Variants in MUC17 observed in about 807,000 individuals in gnomAD.
The protein encoded by MUC17 is mucin 17, cell surface associated, also known as mucin-17.
A neutral mutation model predicts 170.3 loss-of-function variants in MUC17; 190 were observed. The ratio of observed to expected loss-of-function variants is 1.12; its 90% CI spans 0.99 to 1.26. The LOEUF (loss-of-function observed/expected upper bound fraction) is 1.26. Ranked by LOEUF, MUC17 falls within the 50% of genes most tolerant of loss-of-function variation. The pLI is 0.00. For synonymous variants in MUC17, 2,325 were observed against 2,002.5 expected (o/e 1.16, Z -4.30); for missense variants, 6,415 against 5,530.0 (o/e 1.16, Z -5.08).
chr7:101,048,141 C>G (rs766340171), intron 4 of MUC17, 26 bp downstream of exon 4: 41 of 1,537,048 alleles, frequency 2.7e-5, no homozygotes, highest in Non-Finnish European at 3.5e-5. Context: ...GGCCTTCCCC[C>G]ACCCCATGCC....
rs1341453605 is a variant in MUC17, at chr7:101,036,041, G to A, written c.4625G>A (p.Ser1542Asn). 2 of 1,612,288 alleles carry A rather than the reference G, an allele frequency of 1.2e-6. No individual in the cohort carries two copies. Among genetic ancestry groups the A allele is most frequent in the South Asian group, 2.2e-5 (2 of 90,874 alleles). The change falls in exon 3 of 13, where the codon AGC (serine) becomes AAC (asparagine). Residue 1542 changes from serine (S) to asparagine (N), a missense_variant. Ser to Asn is a conservative substitution (Grantham distance 46, BLOSUM62 1). Coordinates refer to ENST00000306151, the MANE Select transcript of MUC17 (RefSeq NM_001040105.2). ...NSLSTTPAVT[S>N]TPVTTYSQAS... ...CTTTCAACAACTCCTGCTGTCACCA[G>A]CACACCTGTGACCACTTATTCTCAA... is the stretch of plus-strand genomic sequence containing the variant.
chr7:101,034,944 G>A lies in MUC17; in HGVS notation c.3528G>A (p.Glu1176=), dbSNP rs1794416372. The A allele has an allele frequency of 2.5e-6, 4 of 1,613,958 alleles. No homozygotes were observed. The East Asian group carries it at 6.7e-5, about 27-fold the overall frequency. ...GCACCACGCTGGTGGTCAGTTCTGA[G>A]GCTAACACCCTTTCAACAACTCCTG... is the stretch of plus-strand genomic sequence containing the variant. ...PVSTTLVVSS[E]ANTLSTTPVD... The change falls in exon 3 of 13, where the codon GAG becomes GAA. Residue 1176 remains glutamate, a synonymous_variant. Coordinates refer to ENST00000306151, the MANE Select transcript of MUC17 (RefSeq NM_001040105.2).
At position 101,042,757 on chromosome 7, in the gene MUC17, AC is replaced by A; in HGVS notation, c.11343del (p.Ser3782AlafsTer4). 1 of 1,614,096 alleles carries A rather than the reference AC, an allele frequency of 6.2e-7. No homozygotes were observed. Among genetic ancestry groups the A allele is most frequent in the Non-Finnish European group, 8.5e-7 (1 of 1,180,032 alleles). On this transcript the variant is annotated frameshift_variant, in exon 3 of 13. Transcript: ENST00000306151. LOFTEE classifies it high-confidence loss of function. Reference protein sequence around the residue: ...SSTPSIPSVYTSMSMTTASEG... With the variant: ...SSTPSIPSVYXSMSMTTASEG... ...CACCCCTTCCATACCATCTGTTTACACCAGCATGTCTATGACCACTGCCTCT... is the reference window on the plus strand; with the variant it reads ...CACCCCTTCCATACCATCTGTTTACACAGCATGTCTATGACCACTGCCTCT...
In MUC17 at chr7:101,040,881, A is replaced by C. The variant is rs557094657; in HGVS notation, c.9465A>C (p.Pro3155=). ...CAACTTCTGAAGGTACCAGCATGCCAACCTCAACTCCTAGTGAAGGAAGTA... is the reference window on the plus strand; with the variant it reads ...CAACTTCTGAAGGTACCAGCATGCCCACCTCAACTCCTAGTGAAGGAAGTA... ...SPTTSEGTSM[P]TSTPSEGSTP... is the part of the protein sequence containing the mutation. Residue 3155 remains proline (P), a synonymous_variant, in exon 3 of 13, where the codon CCA becomes CCC. Transcript: ENST00000306151. The C allele has an allele frequency of 6.2e-7, 1 of 1,613,688 alleles. No individual in the cohort carries two copies. Among genetic ancestry groups the C allele is most frequent in the South Asian group, 1.1e-5 (1 of 91,034 alleles).
At position 101,032,799 on chromosome 7, in the gene MUC17, C is replaced by T. The variant is rs1794331471; in HGVS notation, c.1383C>T (p.Thr461=). Residue 461 remains threonine (T), a synonymous_variant, in exon 3 of 13, where the codon ACC becomes ACT. Coordinates refer to ENST00000306151, the MANE Select transcript of MUC17 (RefSeq NM_001040105.2). ...CATTAACAAGTATGCCTGTCAGCACCACTCCAGTGGCCAGTTCTGAGGCTA... is the reference window on the plus strand; with the variant it reads ...CATTAACAAGTATGCCTGTCAGCACTACTCCAGTGGCCAGTTCTGAGGCTA... ...STPLTSMPVS[T]TPVASSEASN... is the part of the protein sequence containing the mutation. 1 of 1,613,962 alleles carries T rather than the reference C, an allele frequency of 6.2e-7. No individual in the cohort carries two copies. Among genetic ancestry groups the T allele is most frequent in the Non-Finnish European group, 8.5e-7 (1 of 1,179,952 alleles).
At position 101,051,836 on chromosome 7, in the gene MUC17, A is replaced by G; in HGVS notation, c.12977A>G (p.Asp4326Gly). 6.2e-7 allele frequency: 1 copy of G among 1,614,032 alleles called. No individual in the cohort carries two copies. The highest frequency in any genetic ancestry group is 8.5e-7 in the Non-Finnish European group (1 of 1,179,966). ...DCRKMAKEYG[D>G]YFVVEYRDQK... ...CGGAAGATGGCCAAGGAATATGGAGACTACTTCGTAGTGGAGTACCGGGAC... is the reference window on the plus strand; with the variant it reads ...CGGAAGATGGCCAAGGAATATGGAGGCTACTTCGTAGTGGAGTACCGGGAC... Residue 4326 changes from aspartate to glycine, a missense_variant, in exon 9 of 13, where the codon GAC becomes GGC. Asp to Gly is a moderately conservative substitution (Grantham distance 94). Transcript: ENST00000306151.
intron 1 of MUC17, among the ~76,000 whole-genome samples, chr7:101,027,935 C>A (rs1794209519): frequency 6.6e-6 from 1 of 151,642 alleles, no homozygotes; most frequent in African/African-American, 2.4e-5. Flanking sequence ...TGATGCCCAG[C>A]AAATTTTTGT....
In MUC17 at chr7:101,023,836, T is replaced by C. The variant is rs1794135815; in HGVS notation, c.82+3619T>C. ...ATAGAGGTTGTACTGATTTACTTCCTGTCAGCAATGTATAAGCATTCCCTT... is the reference window on the plus strand; with the variant it reads ...ATAGAGGTTGTACTGATTTACTTCCCGTCAGCAATGTATAAGCATTCCCTT... On this transcript the variant is annotated intron_variant, in intron 1 of 12. Transcript: ENST00000306151. Among the ~76,000 whole-genome samples the C allele has an allele frequency of 2.6e-5, 4 of 152,206 alleles. 1 individual carries two copies. The highest frequency in any genetic ancestry group is 2.6e-4 in the Admixed American group (4 of 15,278).
Position 101,032,727 on chromosome 7 carries a change from T to C in MUC17, c.1311T>C (p.Ala437=), listed in dbSNP as rs906924918. 1 of 1,578,320 alleles carries C rather than the reference T, an allele frequency of 6.3e-7. No individual in the cohort carries two copies. Among genetic ancestry groups the C allele is most frequent in the Non-Finnish European group, 8.7e-7 (1 of 1,155,378 alleles). The part of the protein sequence containing the change: ...ASEASSSPTT[A]EDTSIATSTP... ...AAGCCAGCTCATCTCCCACAACTGC[T>C]GAAGATACCAGCATTGCAACCTCAA... is the stretch of plus-strand genomic sequence containing the variant. Residue 437 remains alanine (A), a synonymous_variant, in exon 3 of 13, where the codon GCT becomes GCC. Coordinates refer to ENST00000306151, the MANE Select transcript of MUC17 (RefSeq NM_001040105.2).
chr7:101,035,900 C>T lies in MUC17; in HGVS notation c.4484C>T (p.Ser1495Phe). ...GTCACTTCTACAGCAGTCAGTTCAT[C>T]TCCTACACCTGCTGAAGGTACCAGC... ...PVVTSTAVSS[S>F]PTPAEGTSIA... Residue 1495 changes from serine to phenylalanine, a missense_variant, in exon 3 of 13, where the codon TCT (serine) becomes TTT (phenylalanine). Physicochemically the swap from Ser to Phe is radical, Grantham distance 155. Coordinates refer to ENST00000306151, the MANE Select transcript of MUC17 (RefSeq NM_001040105.2). 6.2e-7 allele frequency: 1 copy of T among 1,612,092 alleles called. No individual in the cohort carries two copies.
chr7:101,041,283 C>T lies in MUC17; in HGVS notation c.9867C>T (p.Ser3289=). The part of the protein sequence containing the change: ...GSTPLTSMPV[S]TTTVASSETS... ...CTCCATTAACAAGTATGCCTGTCAGCACCACAACGGTGGCCAGTTCTGAAA... is the reference window on the plus strand; with the variant it reads ...CTCCATTAACAAGTATGCCTGTCAGTACCACAACGGTGGCCAGTTCTGAAA... The change falls in exon 3 of 13, where the codon AGC becomes AGT. Residue 3289 remains serine (S), a synonymous_variant. Transcript: ENST00000306151. 6.2e-7 allele frequency: 1 copy of T among 1,611,208 alleles called. No individual in the cohort carries two copies. Among genetic ancestry groups the T allele is most frequent in the East Asian group, 2.2e-5 (1 of 44,780 alleles).
In MUC17 at chr7:101,039,492, TC is replaced by T. The variant is rs763839270; in HGVS notation, c.8078del (p.Pro2693HisfsTer2). ...CCTCAACTCCTGGTGAAAGAAGCAC[TC>T]CATTAACAAATATACTTGTCAGCAC... ...PTSTPGERST[P>X]LTNILVSTTL... On this transcript the variant is annotated frameshift_variant, in exon 3 of 13. Coordinates refer to ENST00000306151, the MANE Select transcript of MUC17 (RefSeq NM_001040105.2). LOFTEE classifies it high-confidence loss of function. The T allele has an allele frequency of 9.3e-6, 15 of 1,610,846 alleles. No individual in the cohort carries two copies. The highest frequency in any genetic ancestry group is 1.2e-5 in the Non-Finnish European group (14 of 1,178,762).
In MUC17 at chr7:101,036,744, C is replaced by G; in HGVS notation, c.5328C>G (p.Thr1776=). The G allele has an allele frequency of 6.2e-7, 1 of 1,611,860 alleles. No homozygotes were observed. The highest frequency in any genetic ancestry group is 8.5e-7 in the Non-Finnish European group (1 of 1,179,382). The part of the protein sequence containing the change: ...ASTLSATPID[T]STPVTTSTEA... ...CCCTTTCAGCAACTCCTATTGACAC[C>G]AGCACCCCTGTGACCACTTCTACTG... is the stretch of plus-strand genomic sequence containing the variant. Residue 1776 remains threonine (T), a synonymous_variant, in exon 3 of 13, where the codon ACC becomes ACG. Transcript: ENST00000306151.
At chr7:101,050,976 C>G (rs112091265) in intron 7 of MUC17, among the ~76,000 whole-genome samples, 1 of 152,004 alleles carries the variant, frequency 6.6e-6, no homozygotes, top group Non-Finnish European at 1.5e-5. Context: ...CCAGGACTAA[C>G]GGCTATAGGA....
chr7:101,032,670 T>G lies in MUC17; in HGVS notation c.1254T>G (p.Val418=), dbSNP rs772989574. 5 of 1,573,978 alleles carry G rather than the reference T, an allele frequency of 3.2e-6. No homozygotes were observed. The highest frequency in any genetic ancestry group is 4.3e-6 in the Non-Finnish European group (5 of 1,152,930). The change falls in exon 3 of 13, where the codon GTT becomes GTG. Residue 418 remains valine, a synonymous_variant. Coordinates refer to ENST00000306151, the MANE Select transcript of MUC17 (RefSeq NM_001040105.2). ...CTAGCACCACTTCAACAATTCCTGT[T>G]GACTCCAAAACTTTTGTGACCACTG... ...SEASTTSTIP[V]DSKTFVTTAS...
chr7:101,052,844 C>A, intron 9 of MUC17, 142 bp from the exon 10 acceptor site: 1 of 883,988 alleles, frequency 1.1e-6, no homozygotes. Context: ...TCTGTTCATC[C>A]CCTCGGGGTG....
chr7:101,025,794 CAA>C (rs35636191), intron 1 of MUC17, among the ~76,000 whole-genome samples: 28 of 96,182 alleles, frequency 2.9e-4, no homozygotes, highest in Admixed American at 5.8e-4. Flanking sequence ...ATCTCTCTCT[CAA>C]AAAAAAAAAA....
chr7:101,036,877 GC>G lies in MUC17; in HGVS notation c.5463del (p.Asn1822IlefsTer36). On this transcript the variant is annotated frameshift_variant, in exon 3 of 13. Transcript: ENST00000306151. LOFTEE classifies it high-confidence loss of function. ...CACACCTGTCAGCCACACGCTGGTGGCCAATTCTGAGGCTAGCACCCTTTCA... is the reference window on the plus strand; with the variant it reads ...CACACCTGTCAGCCACACGCTGGTGGCAATTCTGAGGCTAGCACCCTTTCA... Reference protein sequence around the residue: ...TSTPVSHTLVANSEASTLSTT... With the variant: ...TSTPVSHTLVXNSEASTLSTT... 2 of 1,610,112 alleles carry G rather than the reference GC, an allele frequency of 1.2e-6. No individual in the cohort carries two copies. Among genetic ancestry groups the G allele is most frequent in the South Asian group, 2.2e-5 (2 of 90,092 alleles).
chr7:101,054,066 A>G (rs906392906), intron 11 of MUC17, among the ~76,000 whole-genome samples: 38 of 88,086 alleles, frequency 4.3e-4, no homozygotes, highest in African/African-American at 2.3e-3. Flanking sequence ...TCAAAAAAAA[A>G]AAAAAAAAAA....
Sources: allele counts gnomAD v4.1 joint callset (sites outside exome capture counted in the v4.1 genomes callset), GRCh38; gene constraint gnomAD v4.1.1; transcripts MANE v1.5; gene names NCBI Gene and HGNC (gene_info 2026-07-23, HGNC 2026-07-21).